OXR1: variants seen among roughly 807,000 people sequenced by gnomAD.
OXR1 encodes oxidation resistance protein 1.
OXR1 carries 41 observed loss-of-function variants against 104.6 expected under a neutral mutation model. The ratio of observed to expected loss-of-function variants is 0.39; its 90% CI spans 0.31 to 0.51. OXR1 has a LOEUF of 0.51. Among genes scored for constraint, OXR1 ranks in the 20% least tolerant of loss-of-function variants. OXR1 has a pLI of 0.77. For synonymous variants in OXR1, 348 were observed against 348.4 expected (o/e 1.00, Z 0.01); for missense variants, 955 against 1,031.9 (o/e 0.93, Z 1.02).
chr8:106,560,899 T>G (rs1816625200), intron 3 of OXR1, among the ~76,000 whole-genome samples: 1 of 151,942 alleles, frequency 6.6e-6, no homozygotes, highest in South Asian at 2.1e-4. Flanking sequence ...ACCCGGGAAG[T>G]GCAAGTGGTT....
chr8:106,569,501 G>A (rs771641262), intron 3 of OXR1, among the ~76,000 whole-genome samples: 34 of 152,124 alleles, frequency 2.2e-4, no homozygotes, highest in Non-Finnish European at 4.6e-4. Flanking sequence ...GTGTTGAACG[G>A]CAAGAACATC....
At chr8:106,672,977 T>A (rs1285861161) in intron 3 of OXR1, among the ~76,000 whole-genome samples, 3 of 152,220 alleles carry the variant, frequency 2.0e-5, no homozygotes, top group Non-Finnish European at 4.4e-5. Flanking sequence ...TGGGCAATTC[T>A]TTATAGCAGT....
At chr8:106,421,714 A>G (rs1818913496) in intron 2 of OXR1, among the ~76,000 whole-genome samples, 1 of 129,134 alleles carries the variant, frequency 7.7e-6, no homozygotes. Flanking sequence ...TGAATAAATA[A>G]ACATGAAGAA....
chr8:106,694,283 C>T (rs1199268428), intron 7 of OXR1, among the ~76,000 whole-genome samples: 2 of 150,926 alleles, frequency 1.3e-5, no homozygotes, highest in Non-Finnish European at 3.0e-5. Flanking sequence ...TCCTGTATTT[C>T]TGATTTTCTG....
At chr8:106,385,432 G>A (rs953841610) in intron 2 of OXR1, among the ~76,000 whole-genome samples, 4 of 152,114 alleles carry the variant, frequency 2.6e-5, no homozygotes, top group South Asian at 2.1e-4. Context: ...TTGAGCTTAC[G>A]TAAATTTTTT....
chr8:106,461,576 A>G (rs1820921559), intron 2 of OXR1, among the ~76,000 whole-genome samples: 1 of 152,164 alleles, frequency 6.6e-6, no homozygotes, highest in African/African-American at 2.4e-5. Flanking sequence ...AATAAAAACA[A>G]ATAAATAAAG....
intron 2 of OXR1, among the ~76,000 whole-genome samples, chr8:106,374,509 G>A (rs1249191462): frequency 1.3e-5 from 2 of 152,126 alleles, no homozygotes; most frequent in South Asian, 2.1e-4. Context: ...GCCTTTGAAT[G>A]TGTTTTAATT....
chr8:106,539,347 C>T (rs1005514374), intron 3 of OXR1, among the ~76,000 whole-genome samples: 1 of 152,106 alleles, frequency 6.6e-6, no homozygotes, highest in Non-Finnish European at 1.5e-5. Context: ...TGAACATGCC[C>T]GTTCCATATT....
chr8:106,457,668 C>T lies in OXR1; in HGVS notation c.24-61275C>T, dbSNP rs566423747. On this transcript the variant is annotated intron_variant, in intron 2 of 16. Coordinates refer to ENST00000517566, the MANE Select transcript of OXR1 (RefSeq NM_001198533.2). ...GGAGCTATAGGGAAACCTAAATCTT[C>T]TTAGGGATTATTTAAGTGGTTGGTC... Among the ~76,000 whole-genome samples the T allele has an allele frequency of 3.9e-3, 587 of 152,114 alleles. 3 individuals are homozygous for T. Among genetic ancestry groups the T allele is most frequent in the African/African-American group, 0.013 (555 of 41,474 alleles).
intron 2 of OXR1, among the ~76,000 whole-genome samples, chr8:106,403,862 T>G (rs1318472702): frequency 6.6e-6 from 1 of 152,220 alleles, no homozygotes. Context: ...ATATTTCTTT[T>G]GGAATGTAGC....
chr8:106,500,142 G>C (rs1811689983), intron 2 of OXR1, among the ~76,000 whole-genome samples: 1 of 152,118 alleles, frequency 6.6e-6, no homozygotes, highest in Admixed American at 6.5e-5. Context: ...AAATAAGTTA[G>C]TATAGTCATC....
Position 106,508,729 on chromosome 8 carries a change from A to G in OXR1, c.24-10214A>G, listed in dbSNP as rs141565141. ...GGTTACCCAGAGTGTTTTCCACCCAATTCCTGAATTAAAATGTAGCTAAGA... is the reference window on the plus strand; with the variant it reads ...GGTTACCCAGAGTGTTTTCCACCCAGTTCCTGAATTAAAATGTAGCTAAGA... On this transcript the variant is annotated intron_variant, in intron 2 of 16. Transcript: ENST00000517566. Among the ~76,000 whole-genome samples the G allele has an allele frequency of 9.2e-5, 14 of 152,296 alleles. No homozygotes were observed. In the East Asian group the frequency reaches 2.7e-3, roughly 29 times the overall value.
intron 1 of OXR1, among the ~76,000 whole-genome samples, chr8:106,288,735 TAG>T (rs1409123874): frequency 6.8e-6 from 1 of 147,764 alleles, no homozygotes; most frequent in East Asian, 1.9e-4. Context: ...TATAAATATA[TAG>T]AGAGAATATG....
chr8:106,502,251 T>G (rs1427899521), intron 2 of OXR1, among the ~76,000 whole-genome samples: 1 of 152,166 alleles, frequency 6.6e-6, no homozygotes, highest in East Asian at 1.9e-4. Context: ...TCCTAATAAT[T>G]TTTTAACAAG....
At chr8:106,443,537 G>C (rs1248431546) in intron 2 of OXR1, among the ~76,000 whole-genome samples, 2 of 152,140 alleles carry the variant, frequency 1.3e-5, no homozygotes, top group African/African-American at 4.8e-5. Context: ...TATTGTGTGG[G>C]AGTCTAAGTC....
chr8:106,407,389 T>C (rs1194167162), intron 2 of OXR1, among the ~76,000 whole-genome samples: 1 of 152,200 alleles, frequency 6.6e-6, no homozygotes, highest in African/African-American at 2.4e-5. Flanking sequence ...GTACCTAACT[T>C]ATTAGAATTG....
At chr8:106,677,439 A>G (rs1297509429) in intron 3 of OXR1, among the ~76,000 whole-genome samples, 1 of 152,140 alleles carries the variant, frequency 6.6e-6, no homozygotes, top group East Asian at 1.9e-4. Flanking sequence ...TAAAAATTCT[A>G]CCATATTGCA....
chr8:106,387,642 A>G (rs538874865), intron 2 of OXR1, among the ~76,000 whole-genome samples: 30 of 152,192 alleles, frequency 2.0e-4, no homozygotes, highest in Non-Finnish European at 3.5e-4. Flanking sequence ...CTTTTCCCAC[A>G]TGGAAAATTT....
At chr8:106,679,441 AGTT>A (rs1050673548) in intron 4 of OXR1, 149 bp downstream of exon 4, 13 of 430,664 alleles carry the variant, frequency 3.0e-5, no homozygotes, top group South Asian at 6.3e-5. Flanking sequence ...TTTATTTTTT[AGTT>A]GTTGTTTTTT....
Sources: allele counts gnomAD v4.1 joint callset (sites outside exome capture counted in the v4.1 genomes callset), GRCh38; gene constraint gnomAD v4.1.1; transcripts MANE v1.5; gene names NCBI Gene and HGNC (gene_info 2026-07-23, HGNC 2026-07-21).